The following NUP210 variants were observed in gnomAD, a reference collection of about 807,000 sequenced individuals.
NUP210 encodes the protein nuclear pore membrane glycoprotein 210.
NUP210 carries 151 observed loss-of-function variants against 196.0 expected under a neutral mutation model. The ratio of observed to expected loss-of-function variants is 0.77; its 90% CI spans 0.67 to 0.88. The LOEUF (loss-of-function observed/expected upper bound fraction) is 0.88. Among genes scored for constraint, NUP210 ranks in the 40% least tolerant of loss-of-function variants. The pLI is 0.00. For synonymous variants in NUP210, 1,070 were observed against 1,052.7 expected (o/e 1.02, Z -0.32); for missense variants, 2,314 against 2,493.7 (o/e 0.93, Z 1.53).
In NUP210 at chr3:13,386,399, G is replaced by GCGTA; in HGVS notation, c.689_692dup (p.Pro232ThrfsTer20). The GCGTA allele has an allele frequency of 6.2e-7, 1 of 1,614,132 alleles. No individual in the cohort carries two copies. On this transcript the variant is annotated frameshift_variant, in exon 6 of 40. Coordinates refer to ENST00000254508, the MANE Select transcript of NUP210 (RefSeq NM_024923.4). LOFTEE classifies it high-confidence loss of function. ...AAATCAGCAGCCTGACTTCTGCAGG[G>GCGTA]CGTACATTCTTGGCATAAAGAAAAG... is the stretch of plus-strand genomic sequence containing the variant.
rs546131670 is a variant in NUP210, at chr3:13,325,112, C to T, written c.4644+683G>A. Among the ~76,000 whole-genome samples the T allele has an allele frequency of 3.3e-5, 5 of 152,294 alleles. No individual in the cohort carries two copies. The East Asian group carries it at 9.6e-4, about 29-fold the overall frequency. ...CTGATCACAAAGCCAGACCATGCTT[C>T]TCCCACACCCTCTGTTCCAGCCCCC... On this transcript the variant is annotated intron_variant, in intron 33 of 39. Transcript: ENST00000254508.
In NUP210 at chr3:13,348,440, G is replaced by T. The variant is rs768936356; in HGVS notation, c.2835+3439C>A. On this transcript the variant is annotated intron_variant, in intron 20 of 39. Transcript: ENST00000254508. This position sits in a 1 kb window ranked among gnomAD's most constrained non-coding sequence, Gnocchi z 4.0. ...TAAATGTGAATGAGAGTGTGCCTCG[G>T]TTTCACTGGCACTGTACACATTTTT... 20 of 985,040 alleles carry T rather than the reference G, an allele frequency of 2.0e-5. No homozygotes were observed. The highest frequency in any genetic ancestry group is 3.6e-6 in the Non-Finnish European group (3 of 829,920). 61.0% of individuals were successfully genotyped at this position (985,040 alleles called of 1,614,324 possible).
chr3:13,340,172 G>A lies in NUP210; in HGVS notation c.3291+64C>T, dbSNP rs1014840257. The stretch of plus-strand genomic sequence containing the variant: ...CACTGCACGCAGGGCCAGAGGCGGC[G>A]TGCCTGGAACCAGGTGGTGGCCTGC... On this transcript the variant is annotated intron_variant, in intron 24 of 39. Transcript: ENST00000254508. The surrounding 1 kb of genome is among the most constrained non-coding windows in gnomAD (Gnocchi z 4.0). 26 of 1,608,414 alleles carry A rather than the reference G, an allele frequency of 1.6e-5. No individual in the cohort carries two copies. The highest frequency in any genetic ancestry group is 2.2e-5 in the East Asian group (1 of 44,796).
In NUP210 at chr3:13,378,959, G is replaced by A; in HGVS notation, c.998C>T (p.Ser333Phe). 6.2e-7 allele frequency: 1 copy of A among 1,614,106 alleles called. No homozygotes were observed. Among genetic ancestry groups the A allele is most frequent in the South Asian group, 1.1e-5 (1 of 91,082 alleles). Reference sequence around the variant, plus strand: ...GTAGATAGTGCTGTTGGGTAACCTAGAAGCACCTTGCATGCGAATACCTGA... The same window carrying A: ...GTAGATAGTGCTGTTGGGTAACCTAAAAGCACCTTGCATGCGAATACCTGA... ...GHRSIRMQGA[S>F]RLPNSTIYVV... The change falls in exon 8 of 40, where the codon TCT (serine) becomes TTT (phenylalanine). Residue 333 changes from serine to phenylalanine, a missense_variant. Physicochemically the swap from Ser to Phe is radical, Grantham distance 155. Coordinates refer to ENST00000254508, the MANE Select transcript of NUP210 (RefSeq NM_024923.4).
Position 13,323,571 on chromosome 3 carries a change from A to AAC in NUP210, c.4645-141_4645-140dup. 1.1e-6 allele frequency: 1 copy of AAC among 920,864 alleles called. No individual in the cohort carries two copies. Among genetic ancestry groups the AAC allele is most frequent in the South Asian group, 1.7e-5 (1 of 58,842 alleles). The allele number at this position is 920,864 out of a possible 1,614,324, so 57.0% of individuals were successfully genotyped here. On this transcript the variant is annotated intron_variant, in intron 33 of 39. Transcript: ENST00000254508. This position sits in a 1 kb window ranked among gnomAD's most constrained non-coding sequence, Gnocchi z 4.3. ...TGGCAACACTGAGGCTCAAAGCCTA[A>AAC]ACGCCTTGCTAGAATGTGGCAGAGA...
intron 8 of NUP210, among the ~76,000 whole-genome samples, chr3:13,378,377 G>C (rs1698991198): frequency 6.6e-6 from 1 of 152,220 alleles, no homozygotes; most frequent in Middle Eastern, 3.2e-3. Flanking sequence ...CAGCACTCTT[G>C]CTGTCCCCTG....
intron 10 of NUP210, 106 bp from the exon 11 acceptor site, chr3:13,375,747 G>A: frequency 8.2e-7 from 1 of 1,223,654 alleles, no homozygotes; most frequent in Non-Finnish European, 1.2e-6. Flanking sequence ...TCACAAAGGT[G>A]GATTTGGGGG....
chr3:13,344,612 C>T (rs1296405914), intron 20 of NUP210, among the ~76,000 whole-genome samples: 1 of 152,196 alleles, frequency 6.6e-6, no homozygotes, highest in Non-Finnish European at 1.5e-5. Context: ...TCACATCACT[C>T]CCAACATCAA....
At chr3:13,328,408 C>G (rs571218041) in intron 31 of NUP210, among the ~76,000 whole-genome samples, 71 of 152,378 alleles carry the variant, frequency 4.7e-4, no homozygotes, top group African/African-American at 1.6e-3. Flanking sequence ...GGCAACACCC[C>G]TGACACCTGT....
At chr3:13,334,128 G>A (rs867737173) in intron 28 of NUP210, among the ~76,000 whole-genome samples, 1 of 152,312 alleles carries the variant, frequency 6.6e-6, no homozygotes, top group Middle Eastern at 3.4e-3. Context: ...TCAAAGGCCT[G>A]AGTGAGCCAA....
At chr3:13,338,005 C>A (rs753749931) in intron 25 of NUP210, 88 bp from the exon 26 acceptor site, 3 of 1,248,602 alleles carry the variant, frequency 2.4e-6, no homozygotes, top group East Asian at 2.5e-5. Flanking sequence ...AAGCAGGCTG[C>A]GGCTCAGAGT....
chr3:13,413,612 C>A (rs541358978), intron 1 of NUP210, among the ~76,000 whole-genome samples: 1 of 152,190 alleles, frequency 6.6e-6, no homozygotes, highest in Non-Finnish European at 1.5e-5. Flanking sequence ...AGACTCTAGG[C>A]GTCTGCCTGT....
intron 13 of NUP210, among the ~76,000 whole-genome samples, chr3:13,368,819 T>C (rs1183178427): frequency 1.3e-5 from 2 of 152,230 alleles, no homozygotes; most frequent in Non-Finnish European, 2.9e-5. Context: ...ATTGTGTTCA[T>C]CCATTCTTCC....
Position 13,375,660 on chromosome 3 carries a change from C to T in NUP210, c.1294-19G>A, listed in dbSNP as rs955773713. 1.2e-6 allele frequency: 2 copies of T among 1,604,406 alleles called. No homozygotes were observed. Among genetic ancestry groups the T allele is most frequent in the Non-Finnish European group, 1.7e-6 (2 of 1,174,398 alleles). ...CTCCATCCTACAAGGGGTGAGGGTG[C>T]CACACGTAACCATGACAACCATGTC... On this transcript the variant is annotated intron_variant, in intron 10 of 39. Transcript: ENST00000254508.
At chr3:13,362,053 C>T (rs1375745104) in intron 14 of NUP210, among the ~76,000 whole-genome samples, 1 of 152,206 alleles carries the variant, frequency 6.6e-6, no homozygotes, top group Non-Finnish European at 1.5e-5. Flanking sequence ...ACCTGGTGCT[C>T]CTCACCCTGA....
chr3:13,373,612 C>G (rs1698801324), intron 12 of NUP210, 106 bp downstream of exon 12: 2 of 1,192,378 alleles, frequency 1.7e-6, no homozygotes, highest in Admixed American at 1.8e-5. Context: ...AAGTACAGGA[C>G]CCAAGGTTGG....
At position 13,318,235 on chromosome 3, in the gene NUP210, A is replaced by G. The variant is rs575693174; in HGVS notation, c.5564-454T>C. ...AGCACGCTGAGAGAGGCAGCTAGAA[A>G]GGGCAGGCACCTGCTGCCAGAGCAG... On this transcript the variant is annotated intron_variant, in intron 39 of 39. Transcript: ENST00000254508. 7.2e-5 allele frequency among the ~76,000 whole-genome samples: 11 copies of G among 152,180 alleles called. No homozygotes were observed. The East Asian group carries it at 2.1e-3, about 29-fold the overall frequency.
intron 20 of NUP210, among the ~76,000 whole-genome samples, chr3:13,346,344 C>T (rs1355646526): frequency 6.6e-6 from 1 of 152,226 alleles, no homozygotes; most frequent in African/African-American, 2.4e-5. Context: ...CAGCTCACAC[C>T]ACACAGCTTC....
chr3:13,328,311 T>C (rs906971199), intron 31 of NUP210, among the ~76,000 whole-genome samples: 2 of 152,358 alleles, frequency 1.3e-5, no homozygotes, highest in Non-Finnish European at 2.9e-5. Flanking sequence ...AAACAGATTT[T>C]TGGATGGTGA....
Sources: gnomAD v4.1 joint callset for allele counts (sites outside exome capture counted in the v4.1 genomes callset) on GRCh38, gnomAD v4.1.1 for gene constraint, Gnocchi (gnomAD v3.1) non-coding constraint, MANE v1.5 for transcripts, NCBI Gene and HGNC (gene_info 2026-07-23, HGNC 2026-07-21) for gene names.